The following RNU5B-1 variants were observed in gnomAD, a reference collection of about 807,000 sequenced individuals.
RNU5B-1 encodes RNA, U5B small nuclear 1.
Position 65,304,714 on chromosome 15 carries a change from C to T in RNU5B-1, n.38C>T, listed in dbSNP as rs2090798518. The T allele has an allele frequency of 6.6e-6, 1 of 152,138 alleles. No homozygotes were observed. The allele number at this position is 152,138 out of a possible 1,614,324, so 9.4% of individuals were successfully genotyped here. ...CTCTTCAGATCGTATAAATCTTTCG[C>T]CTTTTACTAAAGATTTCCGTGGAGA... On this transcript the variant is annotated non_coding_transcript_exon_variant, in exon 1 of 1. Coordinates refer to ENST00000363286, the Ensembl canonical transcript of RNU5B-1.
At chr15:65,304,786 C>CA (rs1567053198) in exon 1 of RNU5B-1, 2 of 151,628 alleles carry the variant, frequency 1.3e-5, no homozygotes, top group African/African-American at 4.8e-5. Flanking sequence ...CTTGTTCCGA[C>CA]AAGGCTATAT....
chr15:65,304,680 C>CA (rs1212408324), exon 1 of RNU5B-1: 1 of 152,164 alleles, frequency 6.6e-6, no homozygotes, highest in Non-Finnish European at 1.5e-5. Context: ...AACAAGCATA[C>CA]TCTGGTTTCT....
exon 1 of RNU5B-1, chr15:65,304,777 T>G (rs963911612): frequency 6.6e-6 from 1 of 152,130 alleles, no homozygotes; most frequent in Non-Finnish European, 1.5e-5. Context: ...TTTTGAGGCC[T>G]TGTTCCGACA....
At chr15:65,304,699 C>T (rs374899023) in exon 1 of RNU5B-1, 6 of 152,152 alleles carry the variant, frequency 3.9e-5, no homozygotes, top group African/African-American at 9.7e-5. Context: ...CTCTTCAGAT[C>T]GTATAAATCT....
exon 1 of RNU5B-1, chr15:65,304,767 T>G (rs1391556745): frequency 6.6e-6 from 1 of 152,186 alleles, no homozygotes; most frequent in Non-Finnish European, 1.5e-5. Context: ...TAAGCTAATT[T>G]TTTGAGGCCT....
At chr15:65,304,771 G>A (rs760689727) in exon 1 of RNU5B-1, 7 of 152,244 alleles carry the variant, frequency 4.6e-5, no homozygotes, top group Non-Finnish European at 7.3e-5. Context: ...CTAATTTTTT[G>A]AGGCCTTGTT....
exon 1 of RNU5B-1, chr15:65,304,680 C>T (rs181421592): frequency 1.4e-4 from 22 of 152,280 alleles, no homozygotes; most frequent in East Asian, 7.7e-4. Context: ...AACAAGCATA[C>T]TCTGGTTTCT....
chr15:65,304,790 G>C (rs780665819), exon 1 of RNU5B-1: 2 of 150,570 alleles, frequency 1.3e-5, no homozygotes. Context: ...TTCCGACAAG[G>C]CTATATAAAG....
exon 1 of RNU5B-1, chr15:65,304,685 G>C (rs762774288): frequency 6.6e-6 from 1 of 152,122 alleles, no homozygotes; most frequent in Non-Finnish European, 1.5e-5. Flanking sequence ...GCATACTCTG[G>C]TTTCTCTTCA....
exon 1 of RNU5B-1, chr15:65,304,692 T>C (rs542191418): frequency 6.6e-5 from 10 of 152,346 alleles, no homozygotes; most frequent in African/African-American, 2.2e-4. Flanking sequence ...CTGGTTTCTC[T>C]TCAGATCGTA....
downstream of RNU5B-1, chr15:65,304,793 A>T (rs113247559): frequency 6.7e-6 from 1 of 149,566 alleles, no homozygotes; most frequent in East Asian, 2.0e-4. Context: ...CGACAAGGCT[A>T]TATAAAGCTG....
chr15:65,304,760 G>C (rs531341946), exon 1 of RNU5B-1: 1 of 152,274 alleles, frequency 6.6e-6, no homozygotes, highest in South Asian at 2.1e-4. Context: ...TGAGTCTTAA[G>C]CTAATTTTTT....
At chr15:65,304,677 A>C (rs189411743) in exon 1 of RNU5B-1, 2 of 152,226 alleles carry the variant, frequency 1.3e-5, no homozygotes, top group South Asian at 2.1e-4. Context: ...ATTAACAAGC[A>C]TACTCTGGTT....
At chr15:65,304,751 G>A (rs1018122407) in exon 1 of RNU5B-1, 13 of 152,140 alleles carry the variant, frequency 8.5e-5, no homozygotes, top group Admixed American at 7.9e-4. Flanking sequence ...GAACAACTCT[G>A]AGTCTTAAGC....
At chr15:65,304,768 T>C (rs936873947) in exon 1 of RNU5B-1, 4 of 152,190 alleles carry the variant, frequency 2.6e-5, no homozygotes, top group Non-Finnish European at 4.4e-5. Context: ...AAGCTAATTT[T>C]TTGAGGCCTT....
chr15:65,304,789 G>C (rs936786445), exon 1 of RNU5B-1: 1 of 150,976 alleles, frequency 6.6e-6, no homozygotes, highest in Non-Finnish European at 1.5e-5. Flanking sequence ...GTTCCGACAA[G>C]GCTATATAAA....
At chr15:65,304,738 G>C (rs754567010) in exon 1 of RNU5B-1, 1 of 152,154 alleles carries the variant, frequency 6.6e-6, no homozygotes, top group Non-Finnish European at 1.5e-5. Flanking sequence ...TTTCCGTGGA[G>C]AGGAACAACT....
At chr15:65,304,721 C>A (rs746512181) in exon 1 of RNU5B-1, 1 of 152,140 alleles carries the variant, frequency 6.6e-6, no homozygotes, top group Non-Finnish European at 1.5e-5. Flanking sequence ...TCGCCTTTTA[C>A]TAAAGATTTC....
exon 1 of RNU5B-1, chr15:65,304,705 A>C (rs745840900): frequency 6.6e-6 from 1 of 152,168 alleles, no homozygotes; most frequent in Non-Finnish European, 1.5e-5. Context: ...AGATCGTATA[A>C]ATCTTTCGCC....
Sources: gnomAD v4.1 joint callset for allele counts on GRCh38, gnomAD v4.1.1 for gene constraint, MANE v1.5 for transcripts, NCBI Gene and HGNC (gene_info 2026-07-23, HGNC 2026-07-21) for gene names.